PLCB1: variants seen among roughly 807,000 people sequenced by gnomAD.
The protein encoded by PLCB1 is phospholipase C beta 1.
PLCB1 carries 46 observed loss-of-function variants against 161.8 expected under a neutral mutation model. That is an observed-to-expected ratio of 0.28 (90% CI 0.22 to 0.36). The LOEUF is 0.36. Ranked by LOEUF, PLCB1 falls within the 10% of genes least tolerant of loss-of-function variation. PLCB1 has a pLI of 1.00. For synonymous variants in PLCB1, 517 were observed against 503.7 expected, an observed-to-expected ratio of 1.03 and a Z score of -0.35; for missense variants, 1,016 against 1,472.5, an observed-to-expected ratio of 0.69 and a Z score of 5.07.
intron 3 of PLCB1, among the ~76,000 whole-genome samples, chr20:8,509,351 A>G (rs536701586): frequency 6.6e-5 from 10 of 152,346 alleles, no homozygotes; most frequent in African/African-American, 2.4e-4. Flanking sequence ...TTGTAAGACA[A>G]CTGGGAAATG....
chr20:8,214,330 C>T (rs1407592858), intron 2 of PLCB1, among the ~76,000 whole-genome samples: 6 of 152,124 alleles, frequency 3.9e-5, no homozygotes, highest in Admixed American at 3.9e-4. Context: ...CCTCTTAGTG[C>T]TGTCCTCACG....
At chr20:8,284,698 A>T (rs1335250267) in intron 2 of PLCB1, among the ~76,000 whole-genome samples, 2 of 152,190 alleles carry the variant, frequency 1.3e-5, no homozygotes, top group African/African-American at 4.8e-5. Flanking sequence ...GTGCACATTG[A>T]TAACATTTCA....
chr20:8,820,122 AT>A lies in PLCB1; in HGVS notation c.3423+29867del, dbSNP rs1272456589. Among the ~76,000 whole-genome samples, 5 of 148,042 alleles carry A rather than the reference AT, an allele frequency of 3.4e-5. No individual in the cohort carries two copies. In the South Asian group the frequency reaches 6.3e-4, roughly 19 times the overall value. On this transcript the variant is annotated intron_variant, in intron 31 of 31. Transcript: ENST00000338037. ...TTTATTTATGTTTTTTTTTTTCAAAATTTTTTGAGTTACAATTGGGTGAATA... is the reference window on the plus strand; with the variant it reads ...TTTATTTATGTTTTTTTTTTTCAAAATTTTTGAGTTACAATTGGGTGAATA...
At chr20:8,295,778 T>A (rs1983598174) in intron 2 of PLCB1, among the ~76,000 whole-genome samples, 1 of 152,090 alleles carries the variant, frequency 6.6e-6, no homozygotes, top group Admixed American at 6.6e-5. Flanking sequence ...GGCACAATCA[T>A]ACCTCACTGT....
At chr20:8,460,680 C>T (rs143418388) in intron 3 of PLCB1, among the ~76,000 whole-genome samples, 1 of 152,230 alleles carries the variant, frequency 6.6e-6, no homozygotes, top group Admixed American at 6.5e-5. Context: ...TCACTGTTTC[C>T]CTCACTCACC....
intron 2 of PLCB1, among the ~76,000 whole-genome samples, chr20:8,249,050 C>G (rs1187790915): frequency 6.6e-6 from 1 of 151,874 alleles, no homozygotes; most frequent in African/African-American, 2.4e-5. Flanking sequence ...AGAAGGAATT[C>G]TGAAATTCTC....
At chr20:8,519,938 A>G (rs1219722726) in intron 3 of PLCB1, among the ~76,000 whole-genome samples, 3 of 152,160 alleles carry the variant, frequency 2.0e-5, no homozygotes, top group African/African-American at 4.8e-5. Context: ...AAGCGTCTCT[A>G]TATTATAAGA....
At position 8,333,076 on chromosome 20, in the gene PLCB1, T is replaced by C. The variant is rs148247326; in HGVS notation, c.178-38306T>C. On this transcript the variant is annotated intron_variant, in intron 2 of 31. Transcript: ENST00000338037. Reference sequence around the variant, plus strand: ...CAATAAAATGTGAGGAGAAGTGATGTGTGTCACTTCCAGGATGACATGGTT... The same window carrying C: ...CAATAAAATGTGAGGAGAAGTGATGCGTGTCACTTCCAGGATGACATGGTT... 2.7e-3 allele frequency among the ~76,000 whole-genome samples: 416 copies of C among 152,274 alleles called. 4 individuals carry two copies. Among genetic ancestry groups the C allele is most frequent in the African/African-American group, 9.3e-3 (387 of 41,554 alleles).
chr20:8,229,067 A>G (rs545618278), intron 2 of PLCB1, among the ~76,000 whole-genome samples: 1 of 152,082 alleles, frequency 6.6e-6, no homozygotes, highest in Non-Finnish European at 1.5e-5. Context: ...ACCCTCTAGT[A>G]GCCACTGTTC....
At chr20:8,507,223 G>C (rs1318265393) in intron 3 of PLCB1, among the ~76,000 whole-genome samples, 1 of 152,142 alleles carries the variant, frequency 6.6e-6, no homozygotes, top group Non-Finnish European at 1.5e-5. Flanking sequence ...CCATGGAGGA[G>C]GGGGCATGGG....
chr20:8,449,550 C>T (rs539910181), intron 3 of PLCB1, among the ~76,000 whole-genome samples: 1 of 152,202 alleles, frequency 6.6e-6, no homozygotes, highest in Non-Finnish European at 1.5e-5. Context: ...CAGCCCTCAA[C>T]CAGTGGAATG....
intron 3 of PLCB1, among the ~76,000 whole-genome samples, chr20:8,516,598 A>G (rs1984126281): frequency 6.7e-6 from 1 of 149,898 alleles, no homozygotes; most frequent in Admixed American, 6.7e-5. Flanking sequence ...TTATTTAGCC[A>G]AATTACAAAC....
intron 3 of PLCB1, among the ~76,000 whole-genome samples, chr20:8,599,842 C>T (rs1436435844): frequency 1.4e-5 from 2 of 147,042 alleles, no homozygotes; most frequent in Non-Finnish European, 1.5e-5. Context: ...CGCTTCATTT[C>T]ATTCATTTCA....
chr20:8,222,711 AC>A (rs1979477655), intron 2 of PLCB1, among the ~76,000 whole-genome samples: 1 of 152,060 alleles, frequency 6.6e-6, no homozygotes, highest in South Asian at 2.1e-4. Flanking sequence ...ATGCCGTTAG[AC>A]TTTTTTATGT....
chr20:8,602,026 A>G (rs1294541881), intron 3 of PLCB1, among the ~76,000 whole-genome samples: 1 of 152,130 alleles, frequency 6.6e-6, no homozygotes, highest in Non-Finnish European at 1.5e-5. Context: ...ATTTTAGGAT[A>G]TCTGATGGTC....
chr20:8,731,975 A>T (rs538193988), intron 18 of PLCB1: 1 of 150,878 alleles, frequency 6.6e-6, no homozygotes, highest in South Asian at 2.1e-4. Flanking sequence ...TATTATGCAC[A>T]TAGAGATGAG....
rs1407377513 is a variant in PLCB1 at position 8,883,885 on chromosome 20, A to G, written c.*2036A>G. ...AGAAAGGCGTTAATCATAAAGAAGC[A>G]AGAATGGTCAAAATCGAATGCTGCA... On this transcript the variant is annotated 3_prime_UTR_variant, in exon 32 of 32. Coordinates refer to ENST00000338037, the MANE Select transcript of PLCB1 (RefSeq NM_015192.4). 1.3e-5 allele frequency: 2 copies of G among 152,566 alleles called. No individual in the cohort carries two copies. Among genetic ancestry groups the G allele is most frequent in the African/African-American group, 4.8e-5 (2 of 41,456 alleles). 9.5% of individuals were successfully genotyped at this position (152,566 alleles called of 1,614,324 possible).
rs2123076606 is a variant in PLCB1 at position 8,175,346 on chromosome 20, C to G, written c.177+24975C>G. Among the ~76,000 whole-genome samples, 5 of 152,198 alleles carry G rather than the reference C, an allele frequency of 3.3e-5. 1 individual carries two copies. The Middle Eastern group carries it at 0.017, about 518-fold the overall frequency. On this transcript the variant is annotated intron_variant, in intron 2 of 31. Transcript: ENST00000338037. ...GAGAACCTAGATATAGACCCATACACATATGCTCTGCTGATCTTTTACAAA... is the reference window on the plus strand; with the variant it reads ...GAGAACCTAGATATAGACCCATACAGATATGCTCTGCTGATCTTTTACAAA...
At chr20:8,763,683 G>A (rs892376837) in intron 25 of PLCB1, among the ~76,000 whole-genome samples, 4 of 151,964 alleles carry the variant, frequency 2.6e-5, no homozygotes, top group African/African-American at 9.7e-5. Flanking sequence ...ACCACACCTG[G>A]CCTAATTTTT....
Sources: gnomAD v4.1 joint callset for allele counts (sites outside exome capture counted in the v4.1 genomes callset) on GRCh38, gnomAD v4.1.1 for gene constraint, MANE v1.5 for transcripts, NCBI Gene and HGNC (gene_info 2026-07-23, HGNC 2026-07-21) for gene names.